The following ANKRD11 variants were observed in gnomAD, a reference collection of about 807,000 sequenced individuals.
ANKRD11 encodes ankyrin repeat domain-containing protein 11.
In ANKRD11, 17 loss-of-function variants were observed where a neutral mutation model predicts 195.7. That is an observed-to-expected ratio of 0.09 (90% CI 0.06 to 0.13). ANKRD11 has a LOEUF of 0.13. ANKRD11 is among the 10% of genes least tolerant of loss of function. The pLI, the probability that ANKRD11 is intolerant of heterozygous loss-of-function variation, is 1.00. For synonymous variants in ANKRD11, 1,953 were observed against 1,528.1 expected (o/e 1.28, Z -6.49); for missense variants, 3,735 against 3,566.1 (o/e 1.05, Z -1.21).
chr16:89,448,827 G>A (rs921315199), intron 1 of ANKRD11, among the ~76,000 whole-genome samples: 8 of 152,216 alleles, frequency 5.3e-5, no homozygotes, highest in South Asian at 2.1e-4. Flanking sequence ...CGTGAGTCCC[G>A]GCATGCGGGC....
At position 89,280,341 on chromosome 16, in the gene ANKRD11, G is replaced by C. The variant is rs753589168; in HGVS notation, c.6201C>G (p.Ser2067Arg). 1 of 1,577,632 alleles carries C rather than the reference G, an allele frequency of 6.3e-7. No individual in the cohort carries two copies. The highest frequency in any genetic ancestry group is 2.3e-5 in the East Asian group (1 of 44,382). ...GGGCTTCCGGAAGTGACTTGCAGTT[G>C]CTGAAGAAGGACTCCAGCCCGGAGG... ...APPSGLESFFSNCKSLPEAPL... is the reference protein window; with the variant it reads ...APPSGLESFFRNCKSLPEAPL... Residue 2067 changes from serine (S) to arginine (R), a missense_variant, in exon 9 of 13, where the codon AGC becomes AGG. Transcript: ENST00000301030.
chr16:89,331,132 TGAG>T (rs927295700), intron 2 of ANKRD11, among the ~76,000 whole-genome samples: 7 of 152,072 alleles, frequency 4.6e-5, no homozygotes, highest in African/African-American at 1.7e-4. Context: ...TTTTCTATTT[TGAG>T]GAGAGATGGG....
intron 1 of ANKRD11, among the ~76,000 whole-genome samples, chr16:89,473,991 G>A (rs1202238490): frequency 2.6e-5 from 4 of 152,202 alleles, no homozygotes; most frequent in African/African-American, 9.7e-5. Context: ...CTGTTTTGAA[G>A]TGAGCTGCCA....
rs2057790611 is a variant in ANKRD11, at chr16:89,490,406, G to A, written c.-306C>T. The A allele has an allele frequency of 3.7e-6, 1 of 266,870 alleles. No individual in the cohort carries two copies. Among genetic ancestry groups the A allele is most frequent in the East Asian group, 6.3e-5 (1 of 15,832 alleles). 16.5% of individuals were successfully genotyped at this position (266,870 alleles called of 1,614,324 possible). A position where few individuals can be genotyped will look rare whatever the true frequency, so the allele number is the denominator to read the frequency against. On this transcript the variant is annotated 5_prime_UTR_variant, in exon 1 of 13. Transcript: ENST00000301030. ...CCGGCAGAGCTGCGAGGGACGGCGG[G>A]AGGCGAGCCCGCCCCTCGGGCGCGC...
At chr16:89,300,253 G>A (rs112451628) in intron 4 of ANKRD11, 8,444 of 241,660 alleles carry the variant, frequency 0.035, 243 homozygotes, top group Non-Finnish European at 0.051. Flanking sequence ...TGTGTGGGGT[G>A]CGTGGGGTCT....
At position 89,391,152 on chromosome 16, in the gene ANKRD11, C is replaced by T. The variant is rs183372857; in HGVS notation, c.-60+27132G>A. On this transcript the variant is annotated intron_variant, in intron 2 of 12. Coordinates refer to ENST00000301030, the MANE Select transcript of ANKRD11 (RefSeq NM_013275.6). ...CTGAAGCAGGAGAATGGTGTGAACC[C>T]GGAAGGCGGAGCTTGCAGTGAGCCG... 7.7e-3 allele frequency among the ~76,000 whole-genome samples: 1,160 copies of T among 150,612 alleles called. 6 individuals are homozygous for T. Among genetic ancestry groups the T allele is most frequent in the Admixed American group, 0.011 (166 of 15,040 alleles).
chr16:89,335,365 G>A (rs376664511), intron 2 of ANKRD11, among the ~76,000 whole-genome samples: 130 of 152,306 alleles, frequency 8.5e-4, no homozygotes, highest in African/African-American at 2.7e-3. Context: ...CGAGGCATCC[G>A]TGAGTCCCAC....
intron 2 of ANKRD11, among the ~76,000 whole-genome samples, chr16:89,368,656 C>A (rs80137645): frequency 1.3e-5 from 2 of 150,450 alleles, no homozygotes; most frequent in African/African-American, 4.9e-5. Context: ...ATCTGTAATC[C>A]CAACATTTTG....
intron 1 of ANKRD11, among the ~76,000 whole-genome samples, chr16:89,481,514 G>A (rs1393206242): frequency 1.3e-5 from 2 of 152,090 alleles, no homozygotes; most frequent in Admixed American, 6.6e-5. Flanking sequence ...ATATGGTCAC[G>A]CCACTGCACT....
At position 89,280,208 on chromosome 16, in the gene ANKRD11, G is replaced by A. The variant is rs1323199753; in HGVS notation, c.6334C>T (p.Leu2112Phe). Residue 2112 changes from leucine to phenylalanine, a missense_variant, in exon 9 of 13, where the codon CTC becomes TTC. Transcript: ENST00000301030. Reference protein sequence around the residue: ...FLDGSRGLSHLGQVEPVPWAD... With the variant: ...FLDGSRGLSHFGQVEPVPWAD... Reference sequence around the variant, plus strand: ...CAGGGCACCGGCTCCACCTGGCCGAGGTGAGACAGGCCGCGGCTGCCGTCC... The same window carrying A: ...CAGGGCACCGGCTCCACCTGGCCGAAGTGAGACAGGCCGCGGCTGCCGTCC... 5.0e-6 allele frequency: 8 copies of A among 1,608,308 alleles called. No homozygotes were observed. Among genetic ancestry groups the A allele is most frequent in the African/African-American group, 2.7e-5 (2 of 74,908 alleles).
chr16:89,365,132 T>C lies in ANKRD11; in HGVS notation c.-59-48054A>G, dbSNP rs148413666. ...TCCTTCCCTTATGACAGACCATGTT[T>C]GCTTTCCTTTTTACTAGATGATTAA... is the stretch of plus-strand genomic sequence containing the variant. On this transcript the variant is annotated intron_variant, in intron 2 of 12. Coordinates refer to ENST00000301030, the MANE Select transcript of ANKRD11 (RefSeq NM_013275.6). Among the ~76,000 whole-genome samples the C allele has an allele frequency of 2.6e-3, 396 of 152,358 alleles. 3 individuals carry two copies. The highest frequency in any genetic ancestry group is 8.8e-3 in the African/African-American group (365 of 41,588).
At chr16:89,437,430 C>G (rs2043260923) in intron 1 of ANKRD11, among the ~76,000 whole-genome samples, 1 of 152,132 alleles carries the variant, frequency 6.6e-6, no homozygotes, top group Non-Finnish European at 1.5e-5. Context: ...CCTCCACACC[C>G]CTACTTCCTC....
intron 2 of ANKRD11, among the ~76,000 whole-genome samples, chr16:89,386,644 T>C (rs2040924737): frequency 6.6e-6 from 1 of 152,144 alleles, no homozygotes; most frequent in Non-Finnish European, 1.5e-5. Context: ...CACAAATCTC[T>C]TCTCGTCCAG....
At chr16:89,409,305 C>T (rs2042028469) in intron 2 of ANKRD11, among the ~76,000 whole-genome samples, 1 of 152,206 alleles carries the variant, frequency 6.6e-6, no homozygotes, top group African/African-American at 2.4e-5. Flanking sequence ...CAAACCCCCA[C>T]AGGTTCTAGC....
rs545217520 is a variant in ANKRD11, at chr16:89,332,012, TG to T, written c.-59-14935del. On this transcript the variant is annotated intron_variant, in intron 2 of 12. Transcript: ENST00000301030. ...AAAAAAATTTAAAAACTCAGTAGCATGCAGTGGCTGATGCCTCTAATCCCAG... is the reference window on the plus strand; with the variant it reads ...AAAAAAATTTAAAAACTCAGTAGCATCAGTGGCTGATGCCTCTAATCCCAG... 2.7e-3 allele frequency among the ~76,000 whole-genome samples: 405 copies of T among 152,204 alleles called. 2 individuals carry two copies. Among genetic ancestry groups the T allele is most frequent in the Non-Finnish European group, 1.2e-3 (81 of 68,008 alleles).
At chr16:89,339,468 C>A (rs2038550584) in intron 2 of ANKRD11, among the ~76,000 whole-genome samples, 1 of 144,168 alleles carries the variant, frequency 6.9e-6, no homozygotes, top group Non-Finnish European at 1.6e-5. Flanking sequence ...CCCATCCTGC[C>A]CTGAGTGCAC....
chr16:89,376,019 C>G (rs191195060), intron 2 of ANKRD11, among the ~76,000 whole-genome samples: 15 of 152,252 alleles, frequency 9.9e-5, no homozygotes, highest in African/African-American at 3.6e-4. Context: ...AGGGCCATCA[C>G]AAAAAAAGAA....
At chr16:89,313,314 C>G (rs1338024225) in intron 3 of ANKRD11, 1 of 1,287,102 alleles carries the variant, frequency 7.8e-7, no homozygotes, top group African/African-American at 1.5e-5. Context: ...TAGCCCTGCA[C>G]ACCTTTGGAT....
At chr16:89,403,123 G>A (rs1274131894) in intron 2 of ANKRD11, among the ~76,000 whole-genome samples, 2 of 152,188 alleles carry the variant, frequency 1.3e-5, no homozygotes, top group African/African-American at 4.8e-5. Flanking sequence ...CTCTCAGCGT[G>A]ACGTGCCCTC....
Sources: gnomAD v4.1 joint callset for allele counts (sites outside exome capture counted in the v4.1 genomes callset) on GRCh38, gnomAD v4.1.1 for gene constraint, MANE v1.5 for transcripts, NCBI Gene and HGNC (gene_info 2026-07-23, HGNC 2026-07-21) for gene names.